AGBL4: variants seen among roughly 807,000 people sequenced by gnomAD.
The protein encoded by AGBL4 is cytosolic carboxypeptidase 6.
In AGBL4, 58 loss-of-function variants were observed where a neutral mutation model predicts 66.4. That is an observed-to-expected ratio of 0.87 (90% CI 0.71 to 1.09). AGBL4 has a LOEUF of 1.09. Ranked by LOEUF, AGBL4 falls within the 50% of genes least tolerant of loss-of-function variation. AGBL4 has a pLI of 0.00. For synonymous variants in AGBL4, 234 were observed against 222.9 expected, an observed-to-expected ratio of 1.05 and a Z score of -0.44; for missense variants, 579 against 631.0, an observed-to-expected ratio of 0.92 and a Z score of 0.88.
chr1:49,179,674 A>T (rs770941816), intron 4 of AGBL4, among the ~76,000 whole-genome samples: 2 of 151,994 alleles, frequency 1.3e-5, no homozygotes, highest in Non-Finnish European at 2.9e-5. Flanking sequence ...TACTAGATAG[A>T]CTATTAAGGA....
In AGBL4 at chr1:50,023,944, G is replaced by A. The variant is rs543269839; in HGVS notation, c.-148C>T. The stretch of plus-strand genomic sequence containing the variant: ...ACGGGCGGCAGGCGCGCGGGTGGCC[G>A]GCGCGCGGCTGAGGGCGGGAGGGAC... On this transcript the variant is annotated 5_prime_UTR_variant, in exon 1 of 14. Coordinates refer to ENST00000371839, the MANE Select transcript of AGBL4 (RefSeq NM_032785.4). The A allele has an allele frequency of 7.1e-6, 6 of 845,136 alleles. No individual in the cohort carries two copies. Among genetic ancestry groups the A allele is most frequent in the Admixed American group, 3.7e-5 (1 of 26,988 alleles). 52.4% of individuals were successfully genotyped at this position (845,136 alleles called of 1,614,324 possible).
At chr1:49,520,016 C>T (rs758922678) in intron 3 of AGBL4, among the ~76,000 whole-genome samples, 25 of 152,012 alleles carry the variant, frequency 1.6e-4, no homozygotes, top group Admixed American at 5.2e-4. Context: ...GGAGAATGCA[C>T]ATACAAGGTC....
intron 3 of AGBL4, among the ~76,000 whole-genome samples, chr1:49,619,946 C>T (rs1645325768): frequency 6.6e-6 from 1 of 152,148 alleles, no homozygotes; most frequent in South Asian, 2.1e-4. Flanking sequence ...GGACCCCTTC[C>T]CTACATCTTA....
chr1:49,105,991 C>T (rs1477323598), intron 4 of AGBL4, among the ~76,000 whole-genome samples: 1 of 152,094 alleles, frequency 6.6e-6, no homozygotes, highest in Non-Finnish European at 1.5e-5. Context: ...GAAGAAGGAG[C>T]TAATATCATT....
intron 4 of AGBL4, among the ~76,000 whole-genome samples, chr1:49,102,417 T>C (rs980731087): frequency 6.6e-6 from 1 of 152,188 alleles, no homozygotes; most frequent in African/African-American, 2.4e-5. Flanking sequence ...TTGTTATTGT[T>C]ATTTATTTTC....
intron 3 of AGBL4, among the ~76,000 whole-genome samples, chr1:49,278,127 A>G (rs1644206372): frequency 6.6e-6 from 1 of 152,238 alleles, no homozygotes; most frequent in Non-Finnish European, 1.5e-5. Context: ...ATGTGGTAGA[A>G]GCAGCATCCA....
intron 5 of AGBL4, among the ~76,000 whole-genome samples, chr1:48,886,729 T>G (rs1366626295): frequency 2.0e-5 from 3 of 152,014 alleles, no homozygotes; most frequent in African/African-American, 7.2e-5. Context: ...ATGTTTTGTA[T>G]TTTTAGTAGA....
intron 6 of AGBL4, among the ~76,000 whole-genome samples, chr1:48,750,650 A>G (rs1291282030): frequency 4.6e-5 from 7 of 152,214 alleles, no homozygotes; most frequent in Admixed American, 4.6e-4. Context: ...CAGGGCTCGG[A>G]ACAGAGGAAG....
At chr1:48,804,567 TAAG>T (rs1213497265) in intron 6 of AGBL4, among the ~76,000 whole-genome samples, 1 of 152,076 alleles carries the variant, frequency 6.6e-6, no homozygotes, top group Non-Finnish European at 1.5e-5. Context: ...AACTGACAAA[TAAG>T]AGGCAGCATC....
chr1:49,296,307 A>T lies in AGBL4; in HGVS notation c.283-50443T>A, dbSNP rs377118983. Reference sequence around the variant, plus strand: ...TCACAAAGCTTGTAGAGGTGGAACTAGGATTCAACCTTGAGTATGTCTGAC... The same window carrying T: ...TCACAAAGCTTGTAGAGGTGGAACTTGGATTCAACCTTGAGTATGTCTGAC... On this transcript the variant is annotated intron_variant, in intron 3 of 13. Coordinates refer to ENST00000371839, the MANE Select transcript of AGBL4 (RefSeq NM_032785.4). 3.3e-4 allele frequency among the ~76,000 whole-genome samples: 50 copies of T among 152,316 alleles called. 1 individual carries two copies. The South Asian group carries it at 9.5e-3, about 29-fold the overall frequency.
At chr1:48,884,978 TAAAA>T (rs5742033) in intron 5 of AGBL4, among the ~76,000 whole-genome samples, 211 of 139,510 alleles carry the variant, frequency 1.5e-3, no homozygotes, top group Middle Eastern at 7.4e-3. Flanking sequence ...GAGGCAGATT[TAAAA>T]AAAAAAAAAA....
chr1:49,454,994 C>T (rs1206303242), intron 3 of AGBL4, among the ~76,000 whole-genome samples: 4 of 151,580 alleles, frequency 2.6e-5, no homozygotes, highest in Non-Finnish European at 5.9e-5. Flanking sequence ...ACTATCAACC[C>T]TCTATAGTAG....
chr1:49,540,011 G>A (rs1651887116), intron 3 of AGBL4, among the ~76,000 whole-genome samples: 1 of 152,152 alleles, frequency 6.6e-6, no homozygotes, highest in Non-Finnish European at 1.5e-5. Flanking sequence ...ATGATTTTGA[G>A]TTGGAACTTT....
At chr1:49,315,086 G>C (rs551546307) in intron 3 of AGBL4, among the ~76,000 whole-genome samples, 4 of 152,096 alleles carry the variant, frequency 2.6e-5, no homozygotes, top group Admixed American at 6.6e-5. Flanking sequence ...CAGAACAGAG[G>C]CCTCAGAAAT....
intron 5 of AGBL4, among the ~76,000 whole-genome samples, chr1:48,882,157 C>T (rs552307074): frequency 6.6e-5 from 10 of 152,166 alleles, no homozygotes; most frequent in Non-Finnish European, 8.8e-5. Context: ...ATATACTACT[C>T]AGTCTTTATG....
At chr1:49,984,505 T>C (rs544443071) in intron 1 of AGBL4, among the ~76,000 whole-genome samples, 5 of 152,166 alleles carry the variant, frequency 3.3e-5, no homozygotes, top group Admixed American at 6.5e-5. Flanking sequence ...TGAATATTCA[T>C]AGCTCCTCCT....
chr1:49,428,104 C>T (rs542333337), intron 3 of AGBL4, among the ~76,000 whole-genome samples: 5 of 152,282 alleles, frequency 3.3e-5, no homozygotes, highest in African/African-American at 1.2e-4. Context: ...TTCTCGAAGT[C>T]CCCACCCCAC....
chr1:49,421,207 A>G (rs926507480), intron 3 of AGBL4, among the ~76,000 whole-genome samples: 2 of 152,140 alleles, frequency 1.3e-5, no homozygotes, highest in African/African-American at 2.4e-5. Flanking sequence ...AATGAATGTA[A>G]AAGGGCTAAG....
At chr1:49,897,891 T>C (rs1000739520) in intron 1 of AGBL4, among the ~76,000 whole-genome samples, 2 of 151,542 alleles carry the variant, frequency 1.3e-5, no homozygotes, top group Admixed American at 6.6e-5. Flanking sequence ...GTTCAATAAA[T>C]GGTAAACTGG....
Sources: gnomAD v4.1 joint callset for allele counts (sites outside exome capture counted in the v4.1 genomes callset) on GRCh38, gnomAD v4.1.1 for gene constraint, MANE v1.5 for transcripts, NCBI Gene and HGNC (gene_info 2026-07-23, HGNC 2026-07-21) for gene names.